SNED1: variants seen among roughly 807,000 people sequenced by gnomAD.
SNED1 encodes the protein sushi, nidogen and EGF like domains 1, also known as sushi, nidogen and EGF-like domain-containing protein 1.
In SNED1, 81 loss-of-function variants were observed where a neutral mutation model predicts 166.7. That is an observed-to-expected ratio of 0.49 (90% CI 0.41 to 0.58). The LOEUF (loss-of-function observed/expected upper bound fraction) is 0.58. Among genes scored for constraint, SNED1 ranks in the 20% least tolerant of loss-of-function variants. SNED1 has a pLI of 0.00. For missense variants in SNED1, 1,604 were observed against 2,000.2 expected (o/e 0.80, Z 3.78); for synonymous variants, 762 against 822.0 (o/e 0.93, Z 1.25).
At chr2:241,088,292 G>T in intron 30 of SNED1, 73 bp from the exon 31 acceptor site, 1 of 1,074,712 alleles carries the variant, frequency 9.3e-7, no homozygotes, top group South Asian at 1.3e-5. Context: ...CAGGCAGCCT[G>T]GACTGAGGTA....
intron 8 of SNED1, among the ~76,000 whole-genome samples, chr2:241,047,646 C>A (rs529849725): frequency 1.5e-3 from 229 of 152,336 alleles, no homozygotes; most frequent in Admixed American, 2.7e-3. Flanking sequence ...CTGGAAAATC[C>A]CAAATACTTC....
Position 241,040,357 on chromosome 2 carries a change from T to A in SNED1, c.1217T>A (p.Val406Glu). The change falls in exon 8 of 32, where the codon GTG becomes GAG. Residue 406 changes from valine (V) to glutamate (E), a missense_variant. Physicochemically the swap from Val to Glu is moderately radical, Grantham distance 121. Coordinates refer to ENST00000310397, the MANE Select transcript of SNED1 (RefSeq NM_001080437.3). ...CLNGGSCVDLVGNYTCLCAEP... is the reference protein window; with the variant it reads ...CLNGGSCVDLEGNYTCLCAEP... ...AATGGAGGCTCTTGTGTTGACCTAG[T>A]GGGGAATTACACCTGCTTGTGTGCC... 1.2e-6 allele frequency: 2 copies of A among 1,609,392 alleles called. No homozygotes were observed. Among genetic ancestry groups the A allele is most frequent in the Non-Finnish European group, 1.7e-6 (2 of 1,177,982 alleles).
At chr2:241,034,490 T>G in intron 3 of SNED1, 78 bp from the exon 4 acceptor site, 1 of 1,338,462 alleles carries the variant, frequency 7.5e-7, no homozygotes, top group East Asian at 2.6e-5. Context: ...GGCAGGAACA[T>G]GGTGGGGGCA....
rs897101844 is a variant in SNED1, at chr2:241,062,824, A to G, written c.2291A>G (p.His764Arg). The change falls in exon 17 of 32, where the codon CAT (histidine) becomes CGT (arginine). Residue 764 changes from histidine to arginine, a missense_variant. Physicochemically the swap from His to Arg is conservative, Grantham distance 29 (BLOSUM62 0). Transcript: ENST00000310397. ...IDECRSQPCL[H>R]GGSCQDRVAG... is the part of the protein sequence containing the mutation. ...GAGTGCCGGTCTCAGCCGTGCCTGC[A>G]TGGGGGCTCTTGTCAGGACCGCGTT... is the stretch of plus-strand genomic sequence containing the variant. 6.2e-7 allele frequency: 1 copy of G among 1,612,004 alleles called. No individual in the cohort carries two copies. Among genetic ancestry groups the G allele is most frequent in the Non-Finnish European group, 8.5e-7 (1 of 1,179,208 alleles).
chr2:241,068,802 G>C lies in SNED1; in HGVS notation c.3195-109G>C. On this transcript the variant is annotated intron_variant, in intron 22 of 31. Coordinates refer to ENST00000310397, the MANE Select transcript of SNED1 (RefSeq NM_001080437.3). The surrounding 1 kb of genome is among the most constrained non-coding windows in gnomAD (Gnocchi z 5.3). ...AGGTTGCCTGGGCCACCAGCAGCAG[G>C]ATGACCTCCCCGCAGTCACCTCCTG... 1.4e-6 allele frequency: 1 copy of C among 725,264 alleles called. No individual in the cohort carries two copies. The highest frequency in any genetic ancestry group is 2.3e-6 in the Non-Finnish European group (1 of 434,538). The allele number at this position is 725,264 out of a possible 1,614,324, so 44.9% of individuals were successfully genotyped here. A position where few individuals can be genotyped will look rare whatever the true frequency, so the allele number is the denominator to read the frequency against.
Position 241,063,679 on chromosome 2 carries a change from G to A in SNED1, c.2464G>A (p.Val822Ile), listed in dbSNP as rs370287253. 1.4e-5 allele frequency: 22 copies of A among 1,610,322 alleles called. No individual in the cohort carries two copies. The highest frequency in any genetic ancestry group is 1.1e-4 in the East Asian group (5 of 44,808). Residue 822 changes from valine to isoleucine, a missense_variant, in exon 18 of 32, where the codon GTT becomes ATT. Val to Ile is a conservative substitution (Grantham distance 29). Transcript: ENST00000310397. ...AYVCRCPAGF[V>I]GVHCETEVDA... ...TGTCTGCCGGTGCCCTGCAGGCTTC[G>A]TTGGAGTCCACTGTGAGACAGGTAG...
At chr2:241,086,469 C>T (rs1374920589) in intron 29 of SNED1, among the ~76,000 whole-genome samples, 1 of 152,150 alleles carries the variant, frequency 6.6e-6, no homozygotes, top group East Asian at 1.9e-4. Flanking sequence ...GTGATGCCAT[C>T]CAAAAACTTC....
At chr2:241,063,970 TCC>T (rs1397724071) in intron 18 of SNED1, 40 bp from the exon 19 acceptor site, 5 of 1,361,844 alleles carry the variant, frequency 3.7e-6, no homozygotes, top group Non-Finnish European at 4.1e-6. Context: ...TCCCCCAGAC[TCC>T]CCCCTTGCAG....
chr2:241,012,867 G>C (rs930384355), intron 1 of SNED1, among the ~76,000 whole-genome samples: 2 of 141,536 alleles, frequency 1.4e-5, no homozygotes, highest in East Asian at 2.0e-4. Context: ...ATGGAGTCTC[G>C]CTCTTTCGCC....
chr2:241,090,293 TC>T (rs2063851027), intron 31 of SNED1: 1 of 1,548,512 alleles, frequency 6.5e-7, no homozygotes, highest in African/African-American at 1.4e-5. Flanking sequence ...GGCAGGATCA[TC>T]CATGTCACCT....
rs776289555 is a variant in SNED1 at position 241,033,864 on chromosome 2, A to G, written c.631A>G (p.Ile211Val). 2.5e-6 allele frequency: 4 copies of G among 1,603,248 alleles called. No individual in the cohort carries two copies. In the African/African-American group the frequency reaches 4.0e-5, roughly 16 times the overall value. Residue 211 changes from isoleucine (I) to valine (V), a missense_variant, in exon 3 of 32, where the codon ATC becomes GTC. Physicochemically the swap from Ile to Val is conservative, Grantham distance 29. Around this residue, in one of 2 missense-constraint regions of SNED1, gnomAD observed 1,237 missense variants for 1,620.8 expected, o/e 0.76. Transcript: ENST00000310397. ...GGGCAACGCCACTGGCCTCGGGGGC[A>G]TCGCAGCCCAGGTAGGCGAGTGCAG... ...SGGNATGLGG[I>V]AAQAGFNAGD...
rs771394260 is a variant in SNED1 at position 241,034,636 on chromosome 2, C to T, written c.711C>T (p.Ala237=). ...SIPGSRTADM[A]EVETTTNVGV... The stretch of plus-strand genomic sequence containing the variant: ...CCGGCTCGCGCACAGCAGACATGGC[C>T]GAGGTGGAGACCACCACCAACGTGG... Residue 237 remains alanine, a synonymous_variant, in exon 4 of 32, where the codon GCC becomes GCT. Transcript: ENST00000310397. The T allele has an allele frequency of 2.1e-5, 34 of 1,611,704 alleles. No individual in the cohort carries two copies. The highest frequency in any genetic ancestry group is 1.1e-4 in the South Asian group (10 of 90,952).
intron 2 of SNED1, among the ~76,000 whole-genome samples, chr2:241,032,828 C>T (rs971396986): frequency 1.3e-5 from 2 of 152,154 alleles, no homozygotes; most frequent in African/African-American, 4.8e-5. Flanking sequence ...TTCATACCCT[C>T]TGACATTTTT....
chr2:241,037,370 G>T lies in SNED1; in HGVS notation c.1045+17G>T. On this transcript the variant is annotated intron_variant, in intron 6 of 31. Coordinates refer to ENST00000310397, the MANE Select transcript of SNED1 (RefSeq NM_001080437.3). ...GTGAGACAGGTAAGAGGAACCCACC[G>T]GGGCCCACGGGGCCCTGCTGGGGGC... 1 of 1,501,976 alleles carries T rather than the reference G, an allele frequency of 6.7e-7. No homozygotes were observed. The allele number at this position is 1,501,976 out of a possible 1,614,324, so 93.0% of individuals were successfully genotyped here.
At chr2:241,001,854 T>C (rs1221091429) in intron 1 of SNED1, among the ~76,000 whole-genome samples, 1 of 151,876 alleles carries the variant, frequency 6.6e-6, no homozygotes, top group Non-Finnish European at 1.5e-5. Flanking sequence ...GCAGGGAGGA[T>C]TTGAGGGTCA....
rs2062623757 is a variant in SNED1, at chr2:241,069,776, C to T, written c.3308-144C>T. 6 of 939,282 alleles carry T rather than the reference C, an allele frequency of 6.4e-6. No homozygotes were observed. Among genetic ancestry groups the T allele is most frequent in the African/African-American group, 3.3e-5 (2 of 60,342 alleles). 58.2% of individuals were successfully genotyped at this position (939,282 alleles called of 1,614,324 possible). A position where few individuals can be genotyped will look rare whatever the true frequency, so the allele number is the denominator to read the frequency against. On this transcript the variant is annotated intron_variant, in intron 23 of 31. Transcript: ENST00000310397. The surrounding 1 kb of genome is among the most constrained non-coding windows in gnomAD (Gnocchi z 4.9). ...GTGCTGTACGTGCCAGCCCACACCC[C>T]GCCTCGGCACTGTACCATTCTCCAT...
chr2:241,024,235 CTTTTTTTTTT>C (rs10664618), intron 1 of SNED1, among the ~76,000 whole-genome samples: 45 of 46,936 alleles, frequency 9.6e-4, no homozygotes, highest in Admixed American at 3.5e-3. Context: ...ACTCTACTAC[CTTTTTTTTTT>C]TTTTTTTTTT....
intron 31 of SNED1, chr2:241,089,972 T>C: frequency 6.5e-7 from 1 of 1,546,386 alleles, no homozygotes; most frequent in Non-Finnish European, 8.7e-7. Flanking sequence ...AGATAAAAAA[T>C]GGTATACCTG....
chr2:241,040,752 G>T, intron 8 of SNED1: 1 of 475,078 alleles, frequency 2.1e-6, no homozygotes, highest in South Asian at 1.6e-5. Flanking sequence ...TTCCAGCCTG[G>T]GTGACTCTTG....
Sources: gnomAD v4.1 joint callset for allele counts (sites outside exome capture counted in the v4.1 genomes callset) on GRCh38, gnomAD v4.1.1 for gene constraint, gnomAD v4.1.1 regional missense constraint, Gnocchi (gnomAD v3.1) non-coding constraint, MANE v1.5 for transcripts, NCBI Gene and HGNC (gene_info 2026-07-23, HGNC 2026-07-21) for gene names.